FAM193A: variants seen among roughly 807,000 people sequenced by gnomAD.
FAM193A encodes the protein protein FAM193A.
A neutral mutation model predicts 126.5 loss-of-function variants in FAM193A; 22 were observed. The ratio of observed to expected loss-of-function variants is 0.17; its 90% CI spans 0.12 to 0.25. The LOEUF is 0.25. FAM193A is among the 10% of genes least tolerant of loss of function. The pLI is 1.00. For synonymous variants in FAM193A, 761 were observed against 646.8 expected (o/e 1.18, Z -2.68); for missense variants, 1,675 against 1,672.8 (o/e 1.00, Z -0.02).
At chr4:2,539,046 A>G (rs1264655906) in intron 1 of FAM193A, among the ~76,000 whole-genome samples, 1 of 151,992 alleles carries the variant, frequency 6.6e-6, no homozygotes, top group Admixed American at 6.6e-5. Flanking sequence ...ACCTGCCACC[A>G]TGCCTGGCTA....
intron 5 of FAM193A, among the ~76,000 whole-genome samples, chr4:2,636,724 A>G (rs1030420613): frequency 2.4e-4 from 37 of 152,302 alleles, no homozygotes; most frequent in Admixed American, 1.4e-3. Flanking sequence ...AGCAAATGCA[A>G]ATTTTCTAAA....
intron 19 of FAM193A, chr4:2,715,628 T>A: frequency 2.0e-6 from 1 of 492,358 alleles, no homozygotes; most frequent in Non-Finnish European, 2.8e-6. Flanking sequence ...CTGGCAGCTG[T>A]GCTCTGCCTG....
intron 20 of FAM193A, among the ~76,000 whole-genome samples, chr4:2,729,736 G>A (rs1022805928): frequency 1.3e-5 from 2 of 152,046 alleles, no homozygotes; most frequent in South Asian, 2.1e-4. Context: ...ACAGCCTCCC[G>A]AGTAGCTAGG....
chr4:2,701,439 G>T (rs1454829632), intron 19 of FAM193A, among the ~76,000 whole-genome samples: 1 of 152,028 alleles, frequency 6.6e-6, no homozygotes, highest in East Asian at 1.9e-4. Context: ...TTATTTTTTA[G>T]AGGATCCCTT....
intron 5 of FAM193A, 105 bp downstream of exon 5, chr4:2,631,274 C>A: frequency 1.0e-6 from 1 of 996,622 alleles, no homozygotes; most frequent in Non-Finnish European, 1.5e-6. Context: ...TGTCACACCC[C>A]CACACACTGT....
At chr4:2,717,442 A>T (rs1719664561) in intron 20 of FAM193A, among the ~76,000 whole-genome samples, 2 of 152,060 alleles carry the variant, frequency 1.3e-5, no homozygotes, top group African/African-American at 4.8e-5. Flanking sequence ...CTAAAAATAC[A>T]AAAATTACCT....
At chr4:2,601,672 T>G (rs891976622) in intron 2 of FAM193A, among the ~76,000 whole-genome samples, 1 of 151,722 alleles carries the variant, frequency 6.6e-6, no homozygotes, top group African/African-American at 2.4e-5. Flanking sequence ...GAGGATTGCT[T>G]GAGGCCAGGA....
intron 1 of FAM193A, among the ~76,000 whole-genome samples, chr4:2,554,587 T>G (rs529856108): frequency 1.3e-5 from 2 of 151,662 alleles, no homozygotes; most frequent in African/African-American, 4.8e-5. Context: ...TGGCTGATAG[T>G]TTTTTTTTGG....
At chr4:2,572,777 ATT>A (rs533532132) in intron 1 of FAM193A, among the ~76,000 whole-genome samples, 67 of 135,890 alleles carry the variant, frequency 4.9e-4, no homozygotes, top group African/African-American at 1.1e-3. Flanking sequence ...CAGAGGAGGA[ATT>A]TTTTTTTTTT....
At chr4:2,684,542 G>A (rs762729468) in intron 13 of FAM193A, among the ~76,000 whole-genome samples, 8 of 151,864 alleles carry the variant, frequency 5.3e-5, no homozygotes, top group African/African-American at 7.3e-5. Flanking sequence ...TTCCTTTTGC[G>A]GATGGAGTAT....
intron 1 of FAM193A, among the ~76,000 whole-genome samples, chr4:2,539,605 C>G (rs1737100282): frequency 6.6e-6 from 1 of 151,964 alleles, no homozygotes; most frequent in Non-Finnish European, 1.5e-5. Flanking sequence ...CAGGGTCTCA[C>G]TATGTTACCC....
intron 18 of FAM193A, among the ~76,000 whole-genome samples, chr4:2,698,358 G>C (rs1234624856): frequency 6.6e-6 from 1 of 152,182 alleles, no homozygotes; most frequent in Non-Finnish European, 1.5e-5. Flanking sequence ...TGATGGAGTT[G>C]GTCTCTCCTC....
At chr4:2,690,514 A>G (rs1234876644) in intron 14 of FAM193A, among the ~76,000 whole-genome samples, 184 bp from the exon 15 acceptor site, 1 of 152,242 alleles carries the variant, frequency 6.6e-6, no homozygotes, top group Non-Finnish European at 1.5e-5. Context: ...AGGAATTGGC[A>G]CATAGTAGGT....
rs529502632 is a variant in FAM193A at position 2,562,505 on chromosome 4, C to T, written c.255+25335C>T. Among the ~76,000 whole-genome samples, 6 of 152,242 alleles carry T rather than the reference C, an allele frequency of 3.9e-5. No homozygotes were observed. In the East Asian group the frequency reaches 1.2e-3, roughly 29 times the overall value. On this transcript the variant is annotated intron_variant, in intron 1 of 20. Transcript: ENST00000637812. Reference sequence around the variant, plus strand: ...TCACCCCTTTCAAGAGTCTCAGAAACTCTAGGATGTAAGGAGTGATGATCC... The same window carrying T: ...TCACCCCTTTCAAGAGTCTCAGAAATTCTAGGATGTAAGGAGTGATGATCC...
intron 6 of FAM193A, among the ~76,000 whole-genome samples, chr4:2,640,286 C>T (rs961889199): frequency 1.3e-5 from 2 of 152,122 alleles, no homozygotes; most frequent in African/African-American, 4.8e-5. Context: ...CGTTGCTACC[C>T]GAGGCTCTGT....
chr4:2,691,104 A>C (rs55835310), intron 15 of FAM193A, 134 bp downstream of exon 15: 31,258 of 738,348 alleles, frequency 0.042, 1,239 homozygotes, highest in African/African-American at 0.16. Context: ...TTAACTGCCC[A>C]AAAATGCTCA....
At chr4:2,725,226 A>G (rs940130714) in intron 20 of FAM193A, among the ~76,000 whole-genome samples, 4 of 151,870 alleles carry the variant, frequency 2.6e-5, no homozygotes, top group Non-Finnish European at 5.9e-5. Flanking sequence ...ATATGTATGT[A>G]TATACACACA....
intron 2 of FAM193A, chr4:2,607,745 G>C: frequency 2.2e-6 from 1 of 455,042 alleles, no homozygotes; most frequent in Non-Finnish European, 3.9e-6. Context: ...TCTAGGCTAT[G>C]CTGGACCATC....
rs888911684 is a variant in FAM193A at position 2,629,723 on chromosome 4, T to C, written c.804-1212T>C. Among the ~76,000 whole-genome samples, 7 of 152,242 alleles carry C rather than the reference T, an allele frequency of 4.6e-5. No homozygotes were observed. In the East Asian group the frequency reaches 9.6e-4, roughly 21 times the overall value. ...ACTGGTTTCTCCTGGTGATGGGTTATGGACGAATTTTTATTATTACATCAG... is the reference window on the plus strand; with the variant it reads ...ACTGGTTTCTCCTGGTGATGGGTTACGGACGAATTTTTATTATTACATCAG... On this transcript the variant is annotated intron_variant, in intron 4 of 20. Coordinates refer to ENST00000637812, the MANE Select transcript of FAM193A (RefSeq NM_001366318.2).
Sources: allele counts gnomAD v4.1 joint callset (sites outside exome capture counted in the v4.1 genomes callset), GRCh38; gene constraint gnomAD v4.1.1; transcripts MANE v1.5; gene names NCBI Gene and HGNC (gene_info 2026-07-23, HGNC 2026-07-21).